Variants in MRPS5 observed in about 807,000 individuals in gnomAD.
MRPS5 encodes small ribosomal subunit protein uS5m.
A neutral mutation model predicts 51.9 loss-of-function variants in MRPS5; 27 were observed. The ratio of observed to expected loss-of-function variants is 0.52; its 90% CI spans 0.38 to 0.72. The LOEUF is 0.72. Among genes scored for constraint, MRPS5 ranks in the 30% least tolerant of loss-of-function variants. The pLI is 0.00. For synonymous variants in MRPS5, 196 were observed against 193.2 expected (o/e 1.01, Z -0.12); for missense variants, 570 against 545.7 (o/e 1.04, Z -0.44).
In MRPS5 at chr2:95,086,576, G is replaced by GTCA. The variant is rs1319719291; in HGVS notation, c.*778_*780dup. On this transcript the variant is annotated 3_prime_UTR_variant, in exon 12 of 12. Coordinates refer to ENST00000272418, the MANE Select transcript of MRPS5 (RefSeq NM_031902.5). ...CAATAGTAAAAGATTCAACATTTTG[G>GTCA]TCATCAGTGTCCCAGAAAGAGGATG... is the stretch of plus-strand genomic sequence containing the variant. Among the ~76,000 whole-genome samples the GTCA allele has an allele frequency of 2.0e-5, 3 of 152,128 alleles. No individual in the cohort carries two copies. Among genetic ancestry groups the GTCA allele is most frequent in the African/African-American group, 7.2e-5 (3 of 41,418 alleles).
chr2:95,106,383 CT>C, intron 6 of MRPS5, 39 bp downstream of exon 6: 1 of 1,138,404 alleles, frequency 8.8e-7, no homozygotes, highest in Non-Finnish European at 1.3e-6. Flanking sequence ...ACCCCAACCT[CT>C]CCAAAGGCTT....
intron 3 of MRPS5, among the ~76,000 whole-genome samples, chr2:95,113,702 GTTGC>G (rs1403018292): frequency 6.6e-6 from 1 of 152,062 alleles, no homozygotes; most frequent in Non-Finnish European, 1.5e-5. Context: ...TTTCTGCGTT[GTTGC>G]TACACAAATG....
At chr2:95,092,480 A>G (rs561494443) in intron 10 of MRPS5, 3 of 152,242 alleles carry the variant, frequency 2.0e-5, no homozygotes, top group African/African-American at 4.8e-5. Flanking sequence ...CTACAGAACT[A>G]GTAACACATA....
At chr2:95,100,690 T>C (rs2104407078) in intron 9 of MRPS5, 147 bp downstream of exon 9, 1 of 879,458 alleles carries the variant, frequency 1.1e-6, no homozygotes, top group Non-Finnish European at 1.7e-6. Flanking sequence ...TTAGTAACCT[T>C]CTTAGGAGAT....
Position 95,115,117 on chromosome 2 carries a change from GA to G in MRPS5, c.225del (p.Ser77ValfsTer3), listed in dbSNP as rs1676247544. Reference sequence around the variant, plus strand: ...TACTGCTGGCTCATCAGGTGACTGGGAGAAGAAATACAGCATTGTGTCTGCA... The same window carrying G: ...TACTGCTGGCTCATCAGGTGACTGGGGAAGAAATACAGCATTGTGTCTGCA... ...RALQTQCCIS[S>X]PSHLMSQQYR... is the part of the protein sequence containing the mutation. On this transcript the variant is annotated frameshift_variant, in exon 3 of 12. Coordinates refer to ENST00000272418, the MANE Select transcript of MRPS5 (RefSeq NM_031902.5). LOFTEE classifies it high-confidence loss of function. 1 of 1,612,502 alleles carries G rather than the reference GA, an allele frequency of 6.2e-7. No homozygotes were observed. The highest frequency in any genetic ancestry group is 8.5e-7 in the Non-Finnish European group (1 of 1,179,664).
At chr2:95,087,797 T>C (rs564454274) in intron 11 of MRPS5, among the ~76,000 whole-genome samples, 9 of 152,318 alleles carry the variant, frequency 5.9e-5, no homozygotes, top group East Asian at 5.8e-4. Context: ...CAAACTTGGA[T>C]AGAGGAAGGG....
Position 95,087,244 on chromosome 2 carries a change from A to C in MRPS5, c.*113T>G, listed in dbSNP as rs1675317636. 1.4e-6 allele frequency: 1 copy of C among 728,264 alleles called. No individual in the cohort carries two copies. Among genetic ancestry groups the C allele is most frequent in the Admixed American group, 2.9e-5 (1 of 34,494 alleles). 45.1% of individuals were successfully genotyped at this position (728,264 alleles called of 1,614,324 possible). A position where few individuals can be genotyped will look rare whatever the true frequency, so the allele number is the denominator to read the frequency against. On this transcript the variant is annotated 3_prime_UTR_variant, in exon 12 of 12. Coordinates refer to ENST00000272418, the MANE Select transcript of MRPS5 (RefSeq NM_031902.5). ...TTATTTATTTCCAAAGAGTTTAAAG[A>C]TTAAACTTCCCTCAAAACAAACAAA...
intron 5 of MRPS5, among the ~76,000 whole-genome samples, chr2:95,107,014 T>C (rs1268972968): frequency 2.0e-5 from 3 of 152,186 alleles, no homozygotes; most frequent in African/African-American, 7.2e-5. Flanking sequence ...TCCTTTCGGT[T>C]AGGTCTCTCT....
chr2:95,113,303 C>T (rs1188927345), intron 3 of MRPS5, among the ~76,000 whole-genome samples: 2 of 151,936 alleles, frequency 1.3e-5, no homozygotes, highest in East Asian at 2.0e-4. Context: ...GGTGAAACCC[C>T]GTCTCTACTA....
At position 95,086,035 on chromosome 2, in the gene MRPS5, A is replaced by G. The variant is rs1009902398; in HGVS notation, c.*1322T>C. Among the ~76,000 whole-genome samples the G allele has an allele frequency of 1.2e-4, 18 of 151,822 alleles. No individual in the cohort carries two copies. Among genetic ancestry groups the G allele is most frequent in the Admixed American group, 3.9e-4 (6 of 15,222 alleles). ...AATGATCCTCCCACTTCAGCCTCCT[A>G]TGTAGCTGGGACTACAGGCATACAC... is the stretch of plus-strand genomic sequence containing the variant. On this transcript the variant is annotated 3_prime_UTR_variant, in exon 12 of 12. Transcript: ENST00000272418.
intron 4 of MRPS5, 46 bp downstream of exon 4, chr2:95,109,870 T>C: frequency 1.0e-5 from 16 of 1,585,852 alleles, no homozygotes; most frequent in Non-Finnish European, 8.6e-6. Context: ...AAATCTGGGG[T>C]AAGAAACTTA....
At chr2:95,089,058 ACT>A (rs1010510508) in intron 11 of MRPS5, among the ~76,000 whole-genome samples, 3 of 152,282 alleles carry the variant, frequency 2.0e-5, no homozygotes, top group Admixed American at 2.0e-4. Flanking sequence ...ACAGAGCAAG[ACT>A]CTGTCTCAAA....
rs143453743 is a variant in MRPS5 at position 95,101,212 on chromosome 2, C to A, written c.811-318G>T. Among the ~76,000 whole-genome samples, 29 of 152,052 alleles carry A rather than the reference C, an allele frequency of 1.9e-4. 1 individual carries two copies. The East Asian group carries it at 5.6e-3, about 29-fold the overall frequency. On this transcript the variant is annotated intron_variant, in intron 8 of 11. Coordinates refer to ENST00000272418, the MANE Select transcript of MRPS5 (RefSeq NM_031902.5). Reference sequence around the variant, plus strand: ...CAGTCTGACCAACATGGAGAAACCACATCTCTACCAAAAATACAAAAGTTA... The same window carrying A: ...CAGTCTGACCAACATGGAGAAACCAAATCTCTACCAAAAATACAAAAGTTA...
chr2:95,108,730 C>A (rs1196152369), intron 4 of MRPS5, among the ~76,000 whole-genome samples: 1 of 152,180 alleles, frequency 6.6e-6, no homozygotes, highest in Admixed American at 6.5e-5. Context: ...ACCACAGCGT[C>A]TCCAGCATAG....
intron 3 of MRPS5, among the ~76,000 whole-genome samples, chr2:95,110,428 C>T (rs1054672707): frequency 6.6e-6 from 1 of 152,164 alleles, no homozygotes; most frequent in African/African-American, 2.4e-5. Flanking sequence ...ACTATCCTTC[C>T]TAAGTATAAG....
At chr2:95,118,742 A>G (rs1306722083) in intron 1 of MRPS5, among the ~76,000 whole-genome samples, 1 of 152,226 alleles carries the variant, frequency 6.6e-6, no homozygotes, top group African/African-American at 2.4e-5. Context: ...AGACCATTCA[A>G]TGAGGAAAGA....
In MRPS5 at chr2:95,097,202, A is replaced by G. The variant is rs952193557; in HGVS notation, c.931+3272T>C. On this transcript the variant is annotated intron_variant, in intron 10 of 11. Coordinates refer to ENST00000272418, the MANE Select transcript of MRPS5 (RefSeq NM_031902.5). ...ATGAAATAAAAGAGGACACAAACAA[A>G]TGGAAGAACATTCCATGCTCATGGA... is the stretch of plus-strand genomic sequence containing the variant. Among the ~76,000 whole-genome samples the G allele has an allele frequency of 3.3e-5, 5 of 152,240 alleles. 1 individual carries two copies. Among genetic ancestry groups the G allele is most frequent in the Non-Finnish European group, 7.3e-5 (5 of 68,040 alleles).
intron 10 of MRPS5, chr2:95,092,083 T>C (rs949823139): frequency 1.4e-4 from 21 of 152,228 alleles, no homozygotes; most frequent in African/African-American, 4.8e-4. Context: ...TAATACACAG[T>C]ACCTGGACCA....
rs532283842 is a variant in MRPS5 at position 95,110,955 on chromosome 2, A to G, written c.278-914T>C. Among the ~76,000 whole-genome samples the G allele has an allele frequency of 7.2e-5, 11 of 152,368 alleles. No individual in the cohort carries two copies. The South Asian group carries it at 2.3e-3, about 32-fold the overall frequency. On this transcript the variant is annotated intron_variant, in intron 3 of 11. Coordinates refer to ENST00000272418, the MANE Select transcript of MRPS5 (RefSeq NM_031902.5). The stretch of plus-strand genomic sequence containing the variant: ...TACCTTCATTCTCTTATGAATGCTT[A>G]GAGTTTAAAACTTCTACCTACTTGC...
Sources: gnomAD v4.1 joint callset for allele counts (sites outside exome capture counted in the v4.1 genomes callset) on GRCh38, gnomAD v4.1.1 for gene constraint, MANE v1.5 for transcripts, NCBI Gene and HGNC (gene_info 2026-07-23, HGNC 2026-07-21) for gene names.